DNAH10: variants seen among roughly 807,000 people sequenced by gnomAD.
DNAH10 encodes dynein axonemal heavy chain 10, also known as axonemal beta dynein heavy chain 10.
A neutral mutation model predicts 506.6 loss-of-function variants in DNAH10; 348 were observed. The ratio of observed to expected loss-of-function variants is 0.69; its 90% CI spans 0.63 to 0.75. DNAH10 has a LOEUF of 0.75. Ranked by LOEUF, DNAH10 falls within the 30% of genes least tolerant of loss-of-function variation. The probability of loss-of-function intolerance (pLI) is 0.00; values close to 1 mark genes in which losing one functional copy is unlikely to be tolerated. For missense variants in DNAH10, 5,179 were observed against 5,787.1 expected, an observed-to-expected ratio of 0.89 and a Z score of 3.41; for synonymous variants, 2,059 against 2,198.6, an observed-to-expected ratio of 0.94 and a Z score of 1.78.
At chr12:123,859,699 T>G (rs1026770308) in intron 38 of DNAH10, among the ~76,000 whole-genome samples, 1 of 152,060 alleles carries the variant, frequency 6.6e-6, no homozygotes, top group Admixed American at 6.5e-5. Context: ...TCGGGGGCAA[T>G]TCTTCACGAA....
intron 23 of DNAH10, 50 bp from the exon 24 acceptor site, chr12:123,820,530 G>A (rs752159167): frequency 3.2e-6 from 5 of 1,547,168 alleles, no homozygotes; most frequent in Non-Finnish European, 4.4e-6. Flanking sequence ...ATTCAATTTT[G>A]TACACCTTAA....
Position 123,857,044 on chromosome 12 carries a change from C to A in DNAH10, c.6439-12C>A. On this transcript the variant is annotated splice_polypyrimidine_tract_variant and intron_variant, in intron 36 of 78. Transcript: ENST00000673944. Reference sequence around the variant, plus strand: ...GGAAATCTCTTGGAAACATGTGTTTCATTTCCTGCAGGACGTGGTGCTGAT... The same window carrying A: ...GGAAATCTCTTGGAAACATGTGTTTAATTTCCTGCAGGACGTGGTGCTGAT... The A allele has an allele frequency of 6.3e-7, 1 of 1,597,622 alleles. No individual in the cohort carries two copies. Among genetic ancestry groups the A allele is most frequent in the Non-Finnish European group, 8.5e-7 (1 of 1,171,812 alleles).
At chr12:123,933,075 C>T (rs1004026344) in intron 76 of DNAH10, among the ~76,000 whole-genome samples, 2 of 152,170 alleles carry the variant, frequency 1.3e-5, no homozygotes, top group South Asian at 2.1e-4. Flanking sequence ...TCCTACTCCA[C>T]GATATGAAAG....
rs762336780 is a variant in DNAH10, at chr12:123,925,207, A to G, written c.11921+3A>G. ...GTGACTGTAACAATGGGAGAGAAGT[A>G]AGTGTGTCGTTTTGTTGATTTGCCA... is the stretch of plus-strand genomic sequence containing the variant. On this transcript the variant is annotated splice_donor_region_variant and intron_variant, in intron 68 of 78. Coordinates refer to ENST00000673944, the MANE Select transcript of DNAH10 (RefSeq NM_001372106.1). This position sits in a 1 kb window ranked among gnomAD's most constrained non-coding sequence, Gnocchi z 4.0. 2 of 1,613,852 alleles carry G rather than the reference A, an allele frequency of 1.2e-6. No homozygotes were observed.
rs1954301661 is a variant in DNAH10, at chr12:123,913,047, G to T, written c.10135-51G>T. On this transcript the variant is annotated intron_variant, in intron 59 of 78. Transcript: ENST00000673944. The surrounding 1 kb of genome is among the most constrained non-coding windows in gnomAD (Gnocchi z 5.1). Reference sequence around the variant, plus strand: ...GCCTGGTTTGAGGCCATGGGATCGCGGCCCCACCACGGTCCTTTTCCCCAT... The same window carrying T: ...GCCTGGTTTGAGGCCATGGGATCGCTGCCCCACCACGGTCCTTTTCCCCAT... 2 of 1,538,640 alleles carry T rather than the reference G, an allele frequency of 1.3e-6. No individual in the cohort carries two copies. Among genetic ancestry groups the T allele is most frequent in the Non-Finnish European group, 8.8e-7 (1 of 1,135,858 alleles).
rs777904338 is a variant in DNAH10, at chr12:123,934,694, A to G, written c.13551A>G (p.Lys4517=). 1 of 1,613,664 alleles carries G rather than the reference A, an allele frequency of 6.2e-7. No homozygotes were observed. Among genetic ancestry groups the G allele is most frequent in the South Asian group, 1.1e-5 (1 of 90,990 alleles). The change falls in exon 78 of 79, where the codon AAA becomes AAG. Residue 4517 remains lysine, a synonymous_variant. Transcript: ENST00000673944. ...AAAAAGGATGTCTTATCAAGAGCAAACCCAAGGTGCTGGTTGTGGACCTGC... is the reference window on the plus strand; with the variant it reads ...AAAAAGGATGTCTTATCAAGAGCAAGCCCAAGGTGCTGGTTGTGGACCTGC... The part of the protein sequence containing the change: ...DIEKGCLIKS[K]PKVLVVDLPI...
intron 6 of DNAH10, 65 bp from the exon 7 acceptor site, chr12:123,783,042 G>T: frequency 6.5e-7 from 1 of 1,544,962 alleles, no homozygotes; most frequent in Non-Finnish European, 8.9e-7. Flanking sequence ...CGGTGAACTT[G>T]AATGTTTCTC....
intron 11 of DNAH10, among the ~76,000 whole-genome samples, chr12:123,793,161 C>T (rs897513333): frequency 9.2e-5 from 14 of 152,062 alleles, no homozygotes; most frequent in African/African-American, 3.1e-4. Context: ...AGTGGCCTGG[C>T]TGTGCAAGGT....
intron 21 of DNAH10, among the ~76,000 whole-genome samples, chr12:123,814,654 G>T (rs890201577): frequency 7.5e-6 from 1 of 133,370 alleles, no homozygotes; most frequent in South Asian, 2.3e-4. Flanking sequence ...TCGCTCTGTC[G>T]CCCAGGCTGG....
chr12:123,826,586 C>A, intron 24 of DNAH10, 101 bp from the exon 25 acceptor site: 2 of 1,059,872 alleles, frequency 1.9e-6, no homozygotes, highest in Non-Finnish European at 2.7e-6. Flanking sequence ...ATGGGTAATA[C>A]TTTAAAATAT....
In DNAH10 at chr12:123,800,355, G is replaced by A. The variant is rs1958438150; in HGVS notation, c.2429G>A (p.Arg810Lys). Residue 810 changes from arginine (R) to lysine (K), a missense_variant, in exon 15 of 79, where the codon AGA becomes AAA. Around this residue, in one of 3 missense-constraint regions of DNAH10, gnomAD observed 4,844 missense variants for 5,430.5 expected, o/e 0.89. Coordinates refer to ENST00000673944, the MANE Select transcript of DNAH10 (RefSeq NM_001372106.1). Reference protein sequence around the residue: ...QLGFTVPELARNVALQEDKFL... With the variant: ...QLGFTVPELAKNVALQEDKFL... The stretch of plus-strand genomic sequence containing the variant: ...GGGTTCACTGTCCCTGAATTAGCAA[G>A]AAATGTTGCTCTCCAGGAAGACAAA... 6 of 1,613,952 alleles carry A rather than the reference G, an allele frequency of 3.7e-6. No homozygotes were observed. Among genetic ancestry groups the A allele is most frequent in the Non-Finnish European group, 5.1e-6 (6 of 1,180,002 alleles).
chr12:123,830,571 A>C lies in DNAH10; in HGVS notation c.4417A>C (p.Thr1473Pro), dbSNP rs1565959657. Residue 1473 changes from threonine (T) to proline (P), a missense_variant, in exon 26 of 79, where the codon ACG becomes CCG. By Grantham distance (38) the Thr-to-Pro change is conservative (BLOSUM62 -1). This residue lies in a region of DNAH10 where 4,844 missense variants were observed against 5,430.5 expected (regional missense o/e 0.89). Transcript: ENST00000673944. ...GCATTGGAAAGAACTTATGGAAAAA[A>C]CGTCTGTCTTTTTTGAAATGACCGA... ...DRHWKELMEK[T>P]SVFFEMTETF... The C allele has an allele frequency of 9.9e-6, 16 of 1,613,434 alleles. No individual in the cohort carries two copies. The highest frequency in any genetic ancestry group is 1.3e-5 in the African/African-American group (1 of 74,884).
At chr12:123,911,067 G>A (rs183093414) in intron 59 of DNAH10, among the ~76,000 whole-genome samples, 115 of 150,268 alleles carry the variant, frequency 7.7e-4, no homozygotes, top group South Asian at 3.8e-3. Context: ...TTAATTAGCC[G>A]AGCATGGTGG....
intron 52 of DNAH10, among the ~76,000 whole-genome samples, chr12:123,891,939 T>C (rs923501227): frequency 1.3e-5 from 2 of 152,200 alleles, no homozygotes; most frequent in African/African-American, 2.4e-5. Context: ...TCCCCCAACA[T>C]TGAGTTGTGG....
chr12:123,776,681 G>A (rs1323869611), intron 5 of DNAH10, among the ~76,000 whole-genome samples: 2 of 151,610 alleles, frequency 1.3e-5, no homozygotes, highest in African/African-American at 2.4e-5. Context: ...ATCAAAACAT[G>A]ATGTATAATG....
At chr12:123,885,851 T>C (rs1952705012) in intron 51 of DNAH10, among the ~76,000 whole-genome samples, 1 of 152,240 alleles carries the variant, frequency 6.6e-6, no homozygotes, top group African/African-American at 2.4e-5. Context: ...TTGAATATCC[T>C]TTTATACATT....
chr12:123,801,050 A>G (rs368821130), intron 15 of DNAH10, among the ~76,000 whole-genome samples: 26 of 152,216 alleles, frequency 1.7e-4, no homozygotes, highest in East Asian at 7.7e-4. Flanking sequence ...ATAGGGATCA[A>G]CAATAGTAAA....
At position 123,929,778 on chromosome 12, in the gene DNAH10, C is replaced by T; in HGVS notation, c.12612+19C>T. ...TGGAGAGGTAGGGGTGACCGGGGAT[C>T]CTTCCGCAGGTGCCTCTGGGGCTAC... On this transcript the variant is annotated intron_variant, in intron 72 of 78. Coordinates refer to ENST00000673944, the MANE Select transcript of DNAH10 (RefSeq NM_001372106.1). The T allele has an allele frequency of 6.2e-7, 1 of 1,600,918 alleles. No homozygotes were observed. Among genetic ancestry groups the T allele is most frequent in the Non-Finnish European group, 8.5e-7 (1 of 1,173,614 alleles).
intron 47 of DNAH10, among the ~76,000 whole-genome samples, chr12:123,876,711 C>A (rs531109412): frequency 6.6e-5 from 10 of 152,268 alleles, no homozygotes; most frequent in African/African-American, 1.7e-4. Context: ...ACCTGTATCC[C>A]AGCACTTCGG....
Sources: gnomAD v4.1 joint callset for allele counts (sites outside exome capture counted in the v4.1 genomes callset) on GRCh38, gnomAD v4.1.1 for gene constraint, gnomAD v4.1.1 regional missense constraint, Gnocchi (gnomAD v3.1) non-coding constraint, MANE v1.5 for transcripts, NCBI Gene and HGNC (gene_info 2026-07-23, HGNC 2026-07-21) for gene names.